The following PLCXD1 variants were observed in gnomAD, a reference collection of about 807,000 sequenced individuals.
PLCXD1 encodes PI-PLC X domain-containing protein 1.
A neutral mutation model predicts 37.8 loss-of-function variants in PLCXD1; 45 were observed. That is an observed-to-expected ratio of 1.19 (90% confidence interval 0.94 to 1.53). The LOEUF (loss-of-function observed/expected upper bound fraction) is 1.53, where lower values mean the gene tolerates loss of function less well. Ranked by LOEUF, PLCXD1 falls within the 40% of genes most tolerant of loss-of-function variation. PLCXD1 has a pLI of 0.00. For synonymous variants in PLCXD1, 246 were observed against 206.9 expected (o/e 1.19, Z -1.62); for missense variants, 539 against 454.7 (o/e 1.19, Z -1.69).
intron 2 of PLCXD1, among the ~76,000 whole-genome samples, chrX:286,429 C>G (rs1369172328): frequency 6.6e-6 from 1 of 152,036 alleles, no homozygotes; most frequent in African/African-American, 2.4e-5. Flanking sequence ...TAAGTAGCTT[C>G]CAGGGGTGAT....
chrX:286,492 A>G (rs1453050830), intron 2 of PLCXD1, among the ~76,000 whole-genome samples: 1 of 152,154 alleles, frequency 6.6e-6, no homozygotes, highest in African/African-American at 2.4e-5. Context: ...TAAAGAAAGA[A>G]GAGGTTTCTT....
Position 282,856 on chromosome X carries a change from G to A in PLCXD1, c.-22+1172G>A, listed in dbSNP as rs187844823. ...ATATATACTTATATATGTATATATA[G>A]TGATGTATATATGTATATATGTTAT... is the stretch of plus-strand genomic sequence containing the variant. On this transcript the variant is annotated intron_variant, in intron 1 of 6. Transcript: ENST00000381657. Among the ~76,000 whole-genome samples, 350 of 145,146 alleles carry A rather than the reference G, an allele frequency of 2.4e-3. 1 individual carries two copies. Among genetic ancestry groups the A allele is most frequent in the Admixed American group, 6.1e-3 (86 of 14,144 alleles).
chrX:280,439 A>G (rs867435684), upstream of PLCXD1, among the ~76,000 whole-genome samples: 17 of 12,230 alleles, frequency 1.4e-3, no homozygotes, highest in Admixed American at 2.1e-3. Flanking sequence ...GGGGGAGGGG[A>G]GGCCGTGCAG....
At chrX:291,365 C>CA in intron 4 of PLCXD1, 134 bp from the exon 5 acceptor site, 1 of 924,702 alleles carries the variant, frequency 1.1e-6, no homozygotes, top group Non-Finnish European at 1.7e-6. Context: ...AGGCTGGTCT[C>CA]AAACTCCTAA....
chrX:292,438 G>T (rs1454318292), intron 5 of PLCXD1, among the ~76,000 whole-genome samples: 1 of 151,900 alleles, frequency 6.6e-6, no homozygotes, highest in African/African-American at 2.4e-5. Flanking sequence ...CAGCCTGGGA[G>T]ACAGAGCGAG....
rs1246432302 is a variant in PLCXD1 at position 284,232 on chromosome X, C to G, written c.45C>G (p.His15Gln). ...CTTCCAACAGCTTCTCGAGGCTGCA[C>G]TGCAGAAATGCCAACGAGGACTGGA... is the stretch of plus-strand genomic sequence containing the variant. ...VSASNSFSRLHCRNANEDWMS... is the reference protein window; with the variant it reads ...VSASNSFSRLQCRNANEDWMS... The change falls in exon 2 of 7, where the codon CAC becomes CAG. Residue 15 changes from histidine (H) to glutamine (Q), a missense_variant. His to Gln is a conservative substitution (Grantham distance 24). Coordinates refer to ENST00000381657, the MANE Select transcript of PLCXD1 (RefSeq NM_018390.4). 1 of 1,613,422 alleles carries G rather than the reference C, an allele frequency of 6.2e-7. No individual in the cohort carries two copies. The highest frequency in any genetic ancestry group is 1.7e-5 in the Admixed American group (1 of 59,998).
At chrX:281,237 G>A (rs993240108), upstream of PLCXD1, 7 of 230,532 alleles carry the variant, frequency 3.0e-5, no homozygotes, top group African/African-American at 9.6e-5. Flanking sequence ...CCCTCCTGGG[G>A]ACCCGGAGCC....
chrX:293,971 T>A (rs1315326021), intron 6 of PLCXD1, among the ~76,000 whole-genome samples: 1 of 152,164 alleles, frequency 6.6e-6, no homozygotes, highest in Non-Finnish European at 1.5e-5. Context: ...ACAACGTGAA[T>A]CCACTTTATT....
chrX:282,999 A>G (rs2069323275), intron 1 of PLCXD1, among the ~76,000 whole-genome samples: 2 of 146,660 alleles, frequency 1.4e-5, no homozygotes, highest in East Asian at 1.9e-4. Context: ...TTATATGTAT[A>G]TATTATATAT....
intron 2 of PLCXD1, 102 bp from the exon 3 acceptor site, chrX:288,631 G>A: frequency 2.4e-6 from 3 of 1,269,610 alleles, no homozygotes; most frequent in African/African-American, 1.4e-5. Flanking sequence ...CTGTGCTGTG[G>A]GCGGGCAGCA....
At chrX:289,668 C>T (rs1455164625) in intron 3 of PLCXD1, among the ~76,000 whole-genome samples, 12 of 151,754 alleles carry the variant, frequency 7.9e-5, no homozygotes, top group East Asian at 3.9e-4. Context: ...CCCGCGACCA[C>T]GCCCGGCTAA....
chrX:286,244 T>C (rs1272227557), intron 2 of PLCXD1, among the ~76,000 whole-genome samples: 1 of 152,076 alleles, frequency 6.6e-6, no homozygotes, highest in East Asian at 1.9e-4. Flanking sequence ...TTTGTATTTT[T>C]AGCAGAGATG....
At chrX:283,273 A>AAC (rs1300318855) in intron 1 of PLCXD1, 1 of 149,416 alleles carries the variant, frequency 6.7e-6, no homozygotes, top group Non-Finnish European at 1.5e-5. Flanking sequence ...AAAAAAAAAA[A>AAC]CCAAGGCGAG....
At chrX:291,130 C>T (rs753434138) in intron 4 of PLCXD1, among the ~76,000 whole-genome samples, 18 of 151,126 alleles carry the variant, frequency 1.2e-4, no homozygotes, top group African/African-American at 3.6e-4. Flanking sequence ...CAATCCGTTA[C>T]GGAGATTTCT....
intron 2 of PLCXD1, among the ~76,000 whole-genome samples, chrX:285,201 G>T (rs2069408978): frequency 6.6e-6 from 1 of 151,394 alleles, no homozygotes; most frequent in African/African-American, 2.4e-5. Flanking sequence ...CACACACACA[G>T]GTGTACACAC....
intron 6 of PLCXD1, among the ~76,000 whole-genome samples, chrX:294,671 A>G (rs890992309): frequency 2.0e-5 from 3 of 149,956 alleles, no homozygotes; most frequent in Admixed American, 6.7e-5. Flanking sequence ...AGGCATGGTG[A>G]TGCGCGCCTA....
At chrX:285,207 C>T (rs1282384218) in intron 2 of PLCXD1, among the ~76,000 whole-genome samples, 1 of 152,074 alleles carries the variant, frequency 6.6e-6, no homozygotes, top group Non-Finnish European at 1.5e-5. Context: ...CACAGGTGTA[C>T]ACACATGCAG....
chrX:296,814 G>C (rs1245159081), intron 6 of PLCXD1, among the ~76,000 whole-genome samples: 3 of 152,118 alleles, frequency 2.0e-5, no homozygotes, highest in East Asian at 1.9e-4. Context: ...GGACATCTTT[G>C]GGGCCATTAT....
At chrX:282,044 G>T (rs1314784918) in intron 1 of PLCXD1, among the ~76,000 whole-genome samples, 3 of 152,028 alleles carry the variant, frequency 2.0e-5, no homozygotes, top group Non-Finnish European at 2.9e-5. Context: ...CACCGTGCCC[G>T]GCCCCTCCAG....
Sources: allele counts gnomAD v4.1 joint callset (sites outside exome capture counted in the v4.1 genomes callset), GRCh38; gene constraint gnomAD v4.1.1; transcripts MANE v1.5; gene names NCBI Gene and HGNC (gene_info 2026-07-23, HGNC 2026-07-21).